CERS1: variants seen among roughly 807,000 people sequenced by gnomAD.
The protein encoded by CERS1 is Embryonic growth/differentiation factor 1.
CERS1 carries 16 observed loss-of-function variants against 35.7 expected under a neutral mutation model. The observed-to-expected ratio is 0.45, with a 90% CI of 0.30 to 0.68. CERS1 has a LOEUF of 0.68. CERS1 is among the 30% of genes least tolerant of loss of function. The pLI, the probability that CERS1 is intolerant of heterozygous loss-of-function variation, is 0.08. For missense variants in CERS1, 454 were observed against 453.9 expected (o/e 1.00, Z 0.00); for synonymous variants, 243 against 201.6 (o/e 1.21, Z -1.74).
intron 3 of CERS1, among the ~76,000 whole-genome samples, chr19:18,883,724 GC>G (rs763085351): frequency 2.0e-5 from 3 of 152,174 alleles, no homozygotes; most frequent in Non-Finnish European, 2.9e-5. Flanking sequence ...TCACAGCCAT[GC>G]CCCCATTGCT....
intron 3 of CERS1, 53 bp from the exon 4 acceptor site, chr19:18,880,488 A>C: frequency 6.7e-7 from 1 of 1,496,182 alleles, no homozygotes; most frequent in Non-Finnish European, 9.0e-7. Flanking sequence ...GGGGACCTCC[A>C]CTCTGCACTA....
At chr19:18,877,979 T>G (rs1428847800) in intron 6 of CERS1, 32 of 985,340 alleles carry the variant, frequency 3.2e-5, no homozygotes, top group Non-Finnish European at 3.9e-5. Context: ...GGTTCTCCCT[T>G]CCAAACAGGG....
At position 18,878,046 on chromosome 19, in the gene CERS1, A is replaced by G; in HGVS notation, c.1010+884T>C. On this transcript the variant is annotated intron_variant, in intron 6 of 7. Coordinates refer to ENST00000623882, the MANE Select transcript of CERS1 (RefSeq NM_021267.5). The surrounding 1 kb of genome is among the most constrained non-coding windows in gnomAD (Gnocchi z 4.6). ...AGCCCCGGATGTGTTAAATGTCTGC[A>G]TCTCGCACCTCCCGTTCCAAAAAAC... is the stretch of plus-strand genomic sequence containing the variant. 1 of 985,400 alleles carries G rather than the reference A, an allele frequency of 1.0e-6. No individual in the cohort carries two copies. Among genetic ancestry groups the G allele is most frequent in the Non-Finnish European group, 1.2e-6 (1 of 829,962 alleles). The allele number at this position is 985,400 out of a possible 1,614,324, so 61.0% of individuals were successfully genotyped here. A position where few individuals can be genotyped will look rare whatever the true frequency, so the allele number is the denominator to read the frequency against.
At position 18,895,893 on chromosome 19, in the gene CERS1, C is replaced by T. The variant is rs1231005112; in HGVS notation, c.180G>A (p.Leu60=). The T allele has an allele frequency of 1.6e-6, 2 of 1,268,222 alleles. No homozygotes were observed. Among genetic ancestry groups the T allele is most frequent in the Non-Finnish European group, 2.0e-6 (2 of 1,007,282 alleles). 78.6% of individuals were successfully genotyped at this position (1,268,222 alleles called of 1,614,324 possible). ...CCAGCGCGCCGAGCGCCAGCAGCAG[C>T]AGCTCGGGCGGCGCCAGGTGCGCGT... ...AEHAHLAPPE[L]LLLALGALGW... Residue 60 remains leucine (L), a synonymous_variant, in exon 1 of 8, where the codon CTG becomes CTA. Transcript: ENST00000623882. This position sits in a 1 kb window ranked among gnomAD's most constrained non-coding sequence, Gnocchi z 6.4.
intron 6 of CERS1, among the ~76,000 whole-genome samples, chr19:18,876,014 T>C (rs2056054352): frequency 6.6e-6 from 1 of 152,240 alleles, no homozygotes; most frequent in Non-Finnish European, 1.5e-5. Context: ...TGTGTTCCTT[T>C]TGTTATAGAG....
chr19:18,878,995 G>C lies in CERS1; in HGVS notation c.945C>G (p.His315Gln), dbSNP rs767643146. 7 of 1,613,640 alleles carry C rather than the reference G, an allele frequency of 4.3e-6. No individual in the cohort carries two copies. The East Asian group carries it at 1.6e-4, about 36-fold the overall frequency. Residue 315 changes from histidine to glutamine, a missense_variant, in exon 6 of 8, where the codon CAC becomes CAG. Physicochemically the swap from His to Gln is conservative, Grantham distance 24. Coordinates refer to ENST00000623882, the MANE Select transcript of CERS1 (RefSeq NM_021267.5). The surrounding 1 kb of genome is among the most constrained non-coding windows in gnomAD (Gnocchi z 4.6). ...FAAKVLTGQV[H>Q]ELKDLREYDT... ...CATACTCCCGCAGGTCCTTCAGCTC[G>C]TGCACCTGGCCTGTCAACACCTTGG...
chr19:18,877,921 T>G, intron 6 of CERS1: 1 of 968,438 alleles, frequency 1.0e-6, no homozygotes, highest in Non-Finnish European at 1.2e-6. Context: ...TTGAGTCGTC[T>G]TTGATTCTTT....
chr19:18,878,128 G>A lies in CERS1; in HGVS notation c.1010+802C>T, dbSNP rs2056098067. On this transcript the variant is annotated intron_variant, in intron 6 of 7. Transcript: ENST00000623882. This position sits in a 1 kb window ranked among gnomAD's most constrained non-coding sequence, Gnocchi z 4.6. ...AACCATCGTTCCCACGTCACCGATG[G>A]CCCCCACCGGCCAAATCAGAGGGCC... 3 of 985,296 alleles carry A rather than the reference G, an allele frequency of 3.0e-6. No homozygotes were observed. The highest frequency in any genetic ancestry group is 9.4e-5 in the South Asian group (2 of 21,280). 61.0% of individuals were successfully genotyped at this position (985,296 alleles called of 1,614,324 possible).
chr19:18,870,575 G>A lies in CERS1; in HGVS notation c.*2C>T, dbSNP rs1192621246. 2 of 593,184 alleles carry A rather than the reference G, an allele frequency of 3.4e-6. No individual in the cohort carries two copies. Among genetic ancestry groups the A allele is most frequent in the South Asian group, 4.4e-5 (2 of 45,564 alleles). The allele number at this position is 593,184 out of a possible 1,614,324, so 36.7% of individuals were successfully genotyped here. On this transcript the variant is annotated 3_prime_UTR_variant, in exon 7 of 8. Coordinates refer to ENST00000623882, the MANE Select transcript of CERS1 (RefSeq NM_021267.5). This position sits in a 1 kb window ranked among gnomAD's most constrained non-coding sequence, Gnocchi z 5.1. ...GGGTCCACGGGGGCGGGGCCGAGGG[G>A]TTCAGAAGCGCTTGTCCTTCACCAG... is the stretch of plus-strand genomic sequence containing the variant.
In CERS1 at chr19:18,892,583, T is replaced by C. The variant is rs184923230; in HGVS notation, c.409+833A>G. On this transcript the variant is annotated intron_variant, in intron 2 of 7. Transcript: ENST00000623882. The stretch of plus-strand genomic sequence containing the variant: ...GAGCCGAGATCGCGCCACTGCACTC[T>C]AGCCTGGGCGACAGAGCGAGACTCC... 7.1e-3 allele frequency among the ~76,000 whole-genome samples: 1,076 copies of C among 151,984 alleles called. 22 individuals are homozygous for C. Among genetic ancestry groups the C allele is most frequent in the African/African-American group, 0.025 (1,039 of 41,516 alleles).
In CERS1 at chr19:18,870,298, GC is replaced by G; in HGVS notation, c.*278del. On this transcript the variant is annotated 3_prime_UTR_variant, in exon 7 of 8. Coordinates refer to ENST00000623882, the MANE Select transcript of CERS1 (RefSeq NM_021267.5). This position sits in a 1 kb window ranked among gnomAD's most constrained non-coding sequence, Gnocchi z 5.1. ...TGGTGGCCGCAGGGACCTTGCTGCG[GC>G]GGTGGCATCTTCCTCCCAGGCGATG... is the stretch of plus-strand genomic sequence containing the variant. 4 of 1,546,302 alleles carry G rather than the reference GC, an allele frequency of 2.6e-6. No individual in the cohort carries two copies. Among genetic ancestry groups the G allele is most frequent in the Non-Finnish European group, 3.5e-6 (4 of 1,146,774 alleles).
intron 6 of CERS1, among the ~76,000 whole-genome samples, chr19:18,873,066 C>A (rs2056002731): frequency 6.6e-6 from 1 of 151,760 alleles, no homozygotes; most frequent in East Asian, 1.9e-4. Context: ...GATGTTTCTT[C>A]ATAGATGAGG....
At position 18,868,881 on chromosome 19, in the gene CERS1, C is replaced by T; in HGVS notation, c.*1104G>A. The T allele has an allele frequency of 7.0e-7, 1 of 1,433,452 alleles. No homozygotes were observed. Among genetic ancestry groups the T allele is most frequent in the East Asian group, 3.3e-5 (1 of 30,718 alleles). The allele number at this position is 1,433,452 out of a possible 1,614,324, so 88.8% of individuals were successfully genotyped here. ...GCGATGACCCAGCGGTGCCAGCCCA[C>T]CTCGCGGAAGCTCACGTACAGCCGC... On this transcript the variant is annotated 3_prime_UTR_variant, in exon 8 of 8. Transcript: ENST00000623882.
Position 18,884,273 on chromosome 19 carries a change from G to A in CERS1, c.410-6C>T, listed in dbSNP as rs932231463. ...TGCCATGCCCGGCGTCCAGTCTGGG[G>A]AGAGCCAAATCTCACAGTCAGGGCC... On this transcript the variant is annotated splice_polypyrimidine_tract_variant and splice_region_variant and intron_variant, in intron 2 of 7. Transcript: ENST00000623882. The A allele has an allele frequency of 1.4e-5, 23 of 1,608,386 alleles. No homozygotes were observed. The highest frequency in any genetic ancestry group is 1.9e-5 in the Non-Finnish European group (22 of 1,178,160).
chr19:18,887,577 T>C (rs1245386006), intron 2 of CERS1, among the ~76,000 whole-genome samples: 1 of 152,054 alleles, frequency 6.6e-6, no homozygotes, highest in Non-Finnish European at 1.5e-5. Context: ...AAACCCTGTC[T>C]GTACTAAAAA....
At chr19:18,885,438 C>T (rs1000275000) in intron 2 of CERS1, among the ~76,000 whole-genome samples, 14 of 151,936 alleles carry the variant, frequency 9.2e-5, no homozygotes, top group African/African-American at 3.4e-4. Flanking sequence ...CTCAAGCAAT[C>T]CTCCTGCCTT....
At chr19:18,888,070 G>A (rs1007772347) in intron 2 of CERS1, among the ~76,000 whole-genome samples, 1 of 152,106 alleles carries the variant, frequency 6.6e-6, no homozygotes, top group African/African-American at 2.4e-5. Context: ...ACCTCAATAA[G>A]AAATGGAGGC....
chr19:18,880,461 G>T, intron 3 of CERS1, 26 bp from the exon 4 acceptor site: 1 of 1,560,214 alleles, frequency 6.4e-7, no homozygotes, highest in Non-Finnish European at 8.7e-7. Context: ...GCAGAGAGGA[G>T]AGGGCAGCTC....
chr19:18,884,682 C>T (rs2056306088), intron 2 of CERS1, among the ~76,000 whole-genome samples: 1 of 145,056 alleles, frequency 6.9e-6, no homozygotes, highest in Non-Finnish European at 1.5e-5. Flanking sequence ...TCTGGGATTA[C>T]AGGCGTGAGC....
Sources: allele counts gnomAD v4.1 joint callset (sites outside exome capture counted in the v4.1 genomes callset), GRCh38; gene constraint gnomAD v4.1.1; non-coding constraint Gnocchi (gnomAD v3.1); transcripts MANE v1.5; gene names NCBI Gene and HGNC (gene_info 2026-07-23, HGNC 2026-07-21).